Variants in GABRG3 observed in about 807,000 individuals in gnomAD.
GABRG3 encodes gamma-aminobutyric acid receptor subunit gamma-3.
A neutral mutation model predicts 48.8 loss-of-function variants in GABRG3; 25 were observed. That is an observed-to-expected ratio of 0.51 (90% confidence interval 0.37 to 0.72). GABRG3 has a LOEUF of 0.72. Among genes scored for constraint, GABRG3 ranks in the 30% least tolerant of loss-of-function variants. The probability of loss-of-function intolerance (pLI) is 0.00; values close to 1 mark genes in which losing one functional copy is unlikely to be tolerated. For synonymous variants in GABRG3, 227 were observed against 217.6 expected, an observed-to-expected ratio of 1.04 and a Z score of -0.38; for missense variants, 394 against 577.9, an observed-to-expected ratio of 0.68 and a Z score of 3.26.
intron 3 of GABRG3, among the ~76,000 whole-genome samples, chr15:27,253,578 G>A (rs1890526317): frequency 6.6e-6 from 1 of 152,212 alleles, no homozygotes; most frequent in Non-Finnish European, 1.5e-5. Context: ...CATTTTAAAG[G>A]CAAGAGCCTC....
At chr15:27,224,079 AG>A (rs1889535335) in intron 3 of GABRG3, among the ~76,000 whole-genome samples, 3 of 152,238 alleles carry the variant, frequency 2.0e-5, no homozygotes, top group Non-Finnish European at 4.4e-5. Flanking sequence ...AGGAAGTACC[AG>A]GTGATGTACG....
intron 3 of GABRG3, among the ~76,000 whole-genome samples, chr15:27,064,536 G>C (rs34801455): frequency 0.87 from 132,634 of 152,088 alleles, 58,035 homozygotes; most frequent in Middle Eastern, 0.93. Context: ...GGTTAGGGCT[G>C]AGGTGGGCAG....
At chr15:27,022,704 G>A (rs907851826) in intron 2 of GABRG3, among the ~76,000 whole-genome samples, 2 of 152,028 alleles carry the variant, frequency 1.3e-5, no homozygotes, top group Non-Finnish European at 2.9e-5. Context: ...AGACAGACCC[G>A]CCCGGCCCTG....
intron 3 of GABRG3, among the ~76,000 whole-genome samples, chr15:27,225,343 C>G (rs1253650387): frequency 6.6e-6 from 1 of 152,088 alleles, no homozygotes; most frequent in Non-Finnish European, 1.5e-5. Context: ...CTCCCCGCCC[C>G]CCTCCACGTG....
intron 5 of GABRG3, among the ~76,000 whole-genome samples, chr15:27,379,891 C>T (rs1056773305): frequency 6.6e-6 from 1 of 152,022 alleles, no homozygotes; most frequent in Non-Finnish European, 1.5e-5. Flanking sequence ...CATGGGCCTG[C>T]TGCTGAGTTC....
intron 3 of GABRG3, among the ~76,000 whole-genome samples, chr15:27,079,993 A>G (rs192025458): frequency 3.3e-5 from 5 of 152,340 alleles, no homozygotes. Context: ...CAGGCTAAGC[A>G]TCATCTCTAG....
chr15:27,285,916 G>A (rs1891595512), intron 3 of GABRG3, among the ~76,000 whole-genome samples: 1 of 152,126 alleles, frequency 6.6e-6, no homozygotes, highest in Non-Finnish European at 1.5e-5. Context: ...GATGACCAAT[G>A]AGAGTGCATC....
intron 3 of GABRG3, among the ~76,000 whole-genome samples, chr15:27,309,508 G>A (rs564637044): frequency 6.6e-6 from 1 of 151,970 alleles, no homozygotes; most frequent in South Asian, 2.1e-4. Flanking sequence ...CTTGGTAAAA[G>A]GCATGAACAA....
Position 27,450,208 on chromosome 15 carries a change from A to T in GABRG3, c.575-30442A>T, listed in dbSNP as rs1348358897. Among the ~76,000 whole-genome samples, 4 of 152,162 alleles carry T rather than the reference A, an allele frequency of 2.6e-5. No individual in the cohort carries two copies. In the East Asian group the frequency reaches 7.7e-4, roughly 29 times the overall value. Reference sequence around the variant, plus strand: ...TTTTGCAACTTCCTCTCCTGCCGTCATTTTTTTCGTGTTTAATCTACCGCA... The same window carrying T: ...TTTTGCAACTTCCTCTCCTGCCGTCTTTTTTTTCGTGTTTAATCTACCGCA... On this transcript the variant is annotated intron_variant, in intron 5 of 9. Coordinates refer to ENST00000615808, the MANE Select transcript of GABRG3 (RefSeq NM_033223.5).
chr15:27,248,937 G>C lies in GABRG3; in HGVS notation c.271-77872G>C, dbSNP rs796102882. ...GGGATTCTTTTAACGCGAAGCCATC[G>C]GCGACTGGCCCCGGAGGCTGAGGAC... On this transcript the variant is annotated intron_variant, in intron 3 of 9. Coordinates refer to ENST00000615808, the MANE Select transcript of GABRG3 (RefSeq NM_033223.5). 2.1e-4 allele frequency among the ~76,000 whole-genome samples: 32 copies of C among 152,056 alleles called. 1 individual carries two copies. Among genetic ancestry groups the C allele is most frequent in the Admixed American group, 1.6e-3 (24 of 15,266 alleles).
intron 3 of GABRG3, among the ~76,000 whole-genome samples, chr15:27,306,682 ATATGAACATG>A (rs1892501565): frequency 2.1e-4 from 6 of 28,684 alleles, no homozygotes; most frequent in African/African-American, 8.5e-4. Flanking sequence ...ATAAACATAT[ATATGAACATG>A]TTTATATATA....
intron 5 of GABRG3, among the ~76,000 whole-genome samples, chr15:27,347,173 C>T (rs141492267): frequency 1.8e-3 from 268 of 152,220 alleles, no homozygotes; most frequent in Middle Eastern, 6.8e-3. Context: ...TCTCTTCTTT[C>T]GACTTTGGGC....
At chr15:27,365,748 A>G (rs1311222078) in intron 5 of GABRG3, 2 of 152,186 alleles carry the variant, frequency 1.3e-5, no homozygotes, top group Non-Finnish European at 2.9e-5. Flanking sequence ...GTGAGGACAG[A>G]ATTATTACTC....
rs200075957 is a variant in GABRG3 at position 27,457,727 on chromosome 15, G to A, written c.575-22923G>A. 7.9e-5 allele frequency among the ~76,000 whole-genome samples: 12 copies of A among 152,086 alleles called. No individual in the cohort carries two copies. Among genetic ancestry groups the A allele is most frequent in the Non-Finnish European group, 1.3e-4 (9 of 68,030 alleles). ...CTCTGACCTGATGGTTGCAGTCGCC[G>A]TGTTTTCTGGCCAGTGGTATAACGA... On this transcript the variant is annotated intron_variant, in intron 5 of 9. Transcript: ENST00000615808. This position sits in a 1 kb window ranked among gnomAD's most constrained non-coding sequence, Gnocchi z 4.4.
chr15:27,355,733 C>T (rs763121417), intron 5 of GABRG3, among the ~76,000 whole-genome samples: 4 of 152,182 alleles, frequency 2.6e-5, no homozygotes, highest in Non-Finnish European at 4.4e-5. Context: ...ATGTCTATCG[C>T]TAATGAATGG....
intron 6 of GABRG3, among the ~76,000 whole-genome samples, chr15:27,494,089 T>C (rs941436612): frequency 5.9e-5 from 9 of 152,126 alleles, no homozygotes; most frequent in African/African-American, 2.2e-4. Flanking sequence ...GTGGGTTGCA[T>C]TGATCGATTT....
intron 7 of GABRG3, among the ~76,000 whole-genome samples, chr15:27,524,460 A>T (rs567092083): frequency 2.0e-5 from 3 of 152,276 alleles, no homozygotes; most frequent in Non-Finnish European, 4.4e-5. Flanking sequence ...AATATGGGCA[A>T]GTAAAATGGA....
intron 2 of GABRG3, among the ~76,000 whole-genome samples, chr15:26,994,363 T>C (rs1895302118): frequency 6.6e-6 from 1 of 152,030 alleles, no homozygotes; most frequent in Non-Finnish European, 1.5e-5. Context: ...ATACGTTTTA[T>C]GTTTTTTGAT....
chr15:27,209,912 G>A (rs764837601), intron 3 of GABRG3, among the ~76,000 whole-genome samples: 1 of 152,172 alleles, frequency 6.6e-6, no homozygotes, highest in Non-Finnish European at 1.5e-5. Flanking sequence ...TCCTCTGCAC[G>A]TGCATCCCTG....
Sources: allele counts gnomAD v4.1 joint callset (sites outside exome capture counted in the v4.1 genomes callset), GRCh38; gene constraint gnomAD v4.1.1; non-coding constraint Gnocchi (gnomAD v3.1); transcripts MANE v1.5; gene names NCBI Gene and HGNC (gene_info 2026-07-23, HGNC 2026-07-21).